Variants in LARS2 observed in about 807,000 individuals in gnomAD.
The protein encoded by LARS2 is leucine--tRNA ligase, mitochondrial.
LARS2 carries 81 observed loss-of-function variants against 116.6 expected under a neutral mutation model. That is an observed-to-expected ratio of 0.69 (90% confidence interval 0.58 to 0.84). The LOEUF (loss-of-function observed/expected upper bound fraction) is 0.84. Ranked by LOEUF, LARS2 falls within the 40% of genes least tolerant of loss-of-function variation. The pLI, the probability that LARS2 is intolerant of heterozygous loss-of-function variation, is 0.00. For missense variants in LARS2, 968 were observed against 1,114.5 expected (o/e 0.87, Z 1.87); for synonymous variants, 396 against 407.2 (o/e 0.97, Z 0.33).
intron 6 of LARS2, among the ~76,000 whole-genome samples, chr3:45,440,812 C>A (rs1698893083): frequency 6.6e-6 from 1 of 152,098 alleles, no homozygotes; most frequent in East Asian, 1.9e-4. Flanking sequence ...GTGTGGATTT[C>A]TCCATCTGGT....
intron 1 of LARS2, among the ~76,000 whole-genome samples, chr3:45,391,182 AT>A (rs1697940303): frequency 6.6e-6 from 1 of 151,810 alleles, no homozygotes; most frequent in African/African-American, 2.4e-5. Context: ...CCCTCTTAAG[AT>A]TTATTAAATA....
intron 15 of LARS2, among the ~76,000 whole-genome samples, chr3:45,501,407 T>C (rs1212560005): frequency 6.6e-6 from 1 of 152,122 alleles, no homozygotes; most frequent in Non-Finnish European, 1.5e-5. Flanking sequence ...TGTTTGAACT[T>C]TACATAGGTA....
chr3:45,441,945 A>G (rs990203196), intron 6 of LARS2, among the ~76,000 whole-genome samples: 1 of 152,174 alleles, frequency 6.6e-6, no homozygotes, highest in Non-Finnish European at 1.5e-5. Context: ...GCTTGGAGGA[A>G]CAATTCTAGT....
intron 7 of LARS2, 64 bp from the exon 8 acceptor site, chr3:45,458,679 T>C (rs753232265): frequency 3.3e-6 from 5 of 1,533,052 alleles, no homozygotes; most frequent in Non-Finnish European, 4.5e-6. Context: ...AGTGCGACAC[T>C]CCCTGTCAAA....
intron 20 of LARS2, among the ~76,000 whole-genome samples, chr3:45,537,555 G>A (rs780958964): frequency 6.6e-6 from 1 of 152,302 alleles, no homozygotes; most frequent in Admixed American, 6.5e-5. Flanking sequence ...TGTAGATGTT[G>A]CTGTTTCAAA....
chr3:45,531,123 C>T (rs1700607744), intron 20 of LARS2, among the ~76,000 whole-genome samples: 1 of 152,076 alleles, frequency 6.6e-6, no homozygotes. Flanking sequence ...CACATTGACA[C>T]CAACATTTGT....
At chr3:45,452,518 T>A (rs1470521866) in intron 7 of LARS2, among the ~76,000 whole-genome samples, 1 of 152,216 alleles carries the variant, frequency 6.6e-6, no homozygotes, top group Non-Finnish European at 1.5e-5. Flanking sequence ...GAACCATCCT[T>A]GCATCCCTGG....
chr3:45,528,709 A>C lies in LARS2; in HGVS notation c.2404+4601A>C, dbSNP rs1028012811. Among the ~76,000 whole-genome samples the C allele has an allele frequency of 2.0e-5, 3 of 152,228 alleles. 1 individual carries two copies. In the South Asian group the frequency reaches 6.2e-4, roughly 31 times the overall value. On this transcript the variant is annotated intron_variant, in intron 20 of 21. Transcript: ENST00000645846. Reference sequence around the variant, plus strand: ...TCATTTCTGTTTTATTTCATTTAGCATAATGCTTTTGAGATTAATCCATGT... The same window carrying C: ...TCATTTCTGTTTTATTTCATTTAGCCTAATGCTTTTGAGATTAATCCATGT...
chr3:45,487,807 G>A (rs996411729), intron 11 of LARS2, among the ~76,000 whole-genome samples: 3 of 151,954 alleles, frequency 2.0e-5, no homozygotes, highest in Middle Eastern at 6.3e-3. Context: ...ATGAATACCC[G>A]AAGCCAAAAC....
intron 4 of LARS2, among the ~76,000 whole-genome samples, chr3:45,415,895 A>AGAGAGG (rs1698412211): frequency 2.4e-4 from 5 of 21,060 alleles, no homozygotes; most frequent in African/African-American, 1.6e-3. Context: ...AGAGAGAGGG[A>AGAGAGG]GAGAGAGAGA....
At chr3:45,488,847 C>G (rs375060808) in intron 12 of LARS2, 35 bp downstream of exon 12, 44 of 1,270,306 alleles carry the variant, frequency 3.5e-5, no homozygotes, top group Non-Finnish European at 5.1e-5. Context: ...AGAATGATCA[C>G]CTTGATACGA....
At chr3:45,476,313 A>G (rs1167803984) in intron 9 of LARS2, among the ~76,000 whole-genome samples, 155 bp from the exon 10 acceptor site, 3 of 152,108 alleles carry the variant, frequency 2.0e-5, no homozygotes, top group Non-Finnish European at 2.9e-5. Context: ...AGCTTCTTCC[A>G]GGCACCATCT....
chr3:45,458,729 C>A lies in LARS2; in HGVS notation c.607-14C>A, dbSNP rs1229995887. On this transcript the variant is annotated splice_polypyrimidine_tract_variant and intron_variant, in intron 7 of 21. Coordinates refer to ENST00000645846, the MANE Select transcript of LARS2 (RefSeq NM_015340.4). ...CTCACCAGATTGTGCCATTTTGTTT[C>A]ATGAATTATACAGGCCCTGGTTAAC... The A allele has an allele frequency of 6.2e-7, 1 of 1,613,160 alleles. No homozygotes were observed. Among genetic ancestry groups the A allele is most frequent in the Non-Finnish European group, 8.5e-7 (1 of 1,179,554 alleles).
At chr3:45,397,882 C>G (rs1430563194) in intron 3 of LARS2, among the ~76,000 whole-genome samples, 2 of 152,244 alleles carry the variant, frequency 1.3e-5, no homozygotes, top group African/African-American at 4.8e-5. Context: ...ATCTGCCACT[C>G]ACTTTCTTAA....
intron 10 of LARS2, chr3:45,484,099 C>T (rs186792695): frequency 9.8e-4 from 148 of 151,192 alleles, no homozygotes; most frequent in Non-Finnish European, 4.9e-4. Flanking sequence ...TCCAGCTACT[C>T]AGGAAGCTGA....
intron 5 of LARS2, among the ~76,000 whole-genome samples, chr3:45,418,601 T>C (rs992216052): frequency 6.6e-6 from 1 of 152,216 alleles, no homozygotes; most frequent in Admixed American, 6.5e-5. Context: ...TCAAGTTTTA[T>C]TGGAACACAG....
At position 45,488,812 on chromosome 3, in the gene LARS2, G is replaced by T. The variant is rs767852472; in HGVS notation, c.1239G>T (p.Glu413Asp). The T allele has an allele frequency of 6.3e-7, 1 of 1,576,132 alleles. No homozygotes were observed. Among genetic ancestry groups the T allele is most frequent in the South Asian group, 1.1e-5 (1 of 90,308 alleles). Residue 413 changes from glutamate (E) to aspartate (D), a missense_variant and splice_region_variant, in exon 12 of 22, where the codon GAG becomes GAT. Physicochemically the swap from Glu to Asp is conservative, Grantham distance 45. Coordinates refer to ENST00000645846, the MANE Select transcript of LARS2 (RefSeq NM_015340.4). Reference protein sequence around the residue: ...DGTERLSSSAEFTGMTRQDAF... With the variant: ...DGTERLSSSADFTGMTRQDAF... ...CAGAGAGACTGAGCAGCTCTGCTGA[G>T]GTTGGTGACTAAGAACTTACTTCCA...
intron 4 of LARS2, among the ~76,000 whole-genome samples, chr3:45,409,288 G>A (rs776739382): frequency 2.0e-5 from 3 of 152,124 alleles, no homozygotes; most frequent in Non-Finnish European, 4.4e-5. Flanking sequence ...ACTGTGGATG[G>A]ATTAAAATAA....
intron 7 of LARS2, among the ~76,000 whole-genome samples, chr3:45,447,327 A>C (rs1699039496): frequency 6.6e-6 from 1 of 152,226 alleles, no homozygotes; most frequent in Non-Finnish European, 1.5e-5. Context: ...GTATCTGCTA[A>C]ATGGGAATGG....
Sources: gnomAD v4.1 joint callset for allele counts (sites outside exome capture counted in the v4.1 genomes callset) on GRCh38, gnomAD v4.1.1 for gene constraint, MANE v1.5 for transcripts, NCBI Gene and HGNC (gene_info 2026-07-23, HGNC 2026-07-21) for gene names.